The following ZFAT variants were observed in gnomAD, a reference collection of about 807,000 sequenced individuals.
ZFAT encodes zinc finger protein ZFAT.
ZFAT carries 64 observed loss-of-function variants against 117.7 expected under a neutral mutation model. That is an observed-to-expected ratio of 0.54 (90% confidence interval 0.44 to 0.67). The LOEUF (loss-of-function observed/expected upper bound fraction) is 0.67, where lower values mean the gene tolerates loss of function less well. Ranked by LOEUF, ZFAT falls within the 30% of genes least tolerant of loss-of-function variation. The pLI is 0.00. For missense variants in ZFAT, 1,433 were observed against 1,584.5 expected (o/e 0.90, Z 1.62); for synonymous variants, 679 against 615.0 (o/e 1.10, Z -1.54).
chr8:134,558,768 C>G (rs1363496884), intron 11 of ZFAT, among the ~76,000 whole-genome samples: 1 of 152,184 alleles, frequency 6.6e-6, no homozygotes. Context: ...ATGTACCATA[C>G]TTACTACTCA....
At chr8:134,595,963 T>G (rs533103943) in intron 7 of ZFAT, among the ~76,000 whole-genome samples, 1 of 152,372 alleles carries the variant, frequency 6.6e-6, no homozygotes, top group South Asian at 2.1e-4. Flanking sequence ...CATGGGAATC[T>G]GTGCTGAAAG....
At chr8:134,704,149 A>G (rs1834086498) in intron 1 of ZFAT, among the ~76,000 whole-genome samples, 1 of 152,104 alleles carries the variant, frequency 6.6e-6, no homozygotes, top group Admixed American at 6.6e-5. Context: ...TCCCTGCATT[A>G]CCTGAGCCTG....
chr8:134,550,047 C>T (rs973013951), intron 11 of ZFAT, among the ~76,000 whole-genome samples: 3 of 152,072 alleles, frequency 2.0e-5, no homozygotes, highest in African/African-American at 4.8e-5. Context: ...TTGATGTTTA[C>T]GGGATATCAG....
chr8:134,571,133 C>T (rs1824864965), intron 10 of ZFAT, among the ~76,000 whole-genome samples: 3 of 152,232 alleles, frequency 2.0e-5, no homozygotes, highest in African/African-American at 7.2e-5. Flanking sequence ...GGCCCTGCCT[C>T]TGGCACTCAT....
intron 7 of ZFAT, chr8:134,600,156 T>G (rs1246730187): frequency 2.1e-6 from 1 of 477,086 alleles, no homozygotes; most frequent in Non-Finnish European, 3.7e-6. Context: ...TGACTTTACT[T>G]CTACTCTATA....
intron 11 of ZFAT, among the ~76,000 whole-genome samples, chr8:134,557,971 C>T (rs1260605996): frequency 6.6e-6 from 1 of 152,234 alleles, no homozygotes; most frequent in Non-Finnish European, 1.5e-5. Flanking sequence ...ACCCAGTACA[C>T]TGTCTAGCAG....
chr8:134,728,408 C>A, the ZFAT span, among the ~76,000 whole-genome samples: 1 of 152,184 alleles, frequency 6.6e-6, no homozygotes, highest in Admixed American at 6.5e-5. Context: ...GCTTTGTGCC[C>A]TTCAGACTAT....
intron 10 of ZFAT, among the ~76,000 whole-genome samples, chr8:134,566,091 TCTTAAAAAGATTAAGGTTTTAGG>T (rs1824439816): frequency 6.6e-6 from 1 of 152,148 alleles, no homozygotes; most frequent in East Asian, 1.9e-4. Context: ...AAACCACTGG[TCTTAAAAAGATTAAGGTTTTAGG>T]CCGGGCGCGG....
chr8:134,708,817 T>TGGC (rs1813880410), intron 1 of ZFAT, among the ~76,000 whole-genome samples: 2 of 152,012 alleles, frequency 1.3e-5, no homozygotes, highest in Non-Finnish European at 2.9e-5. Context: ...CGAGGCGTGG[T>TGGC]GGCGCATGCT....
At chr8:134,607,576 T>C (rs1440863915) in intron 5 of ZFAT, among the ~76,000 whole-genome samples, 3 of 152,252 alleles carry the variant, frequency 2.0e-5, no homozygotes, top group African/African-American at 7.2e-5. Context: ...ATATCACCAG[T>C]GCCCAGCACA....
At chr8:134,582,642 C>T (rs772684602) in intron 10 of ZFAT, among the ~76,000 whole-genome samples, 17 of 151,998 alleles carry the variant, frequency 1.1e-4, no homozygotes, top group Non-Finnish European at 1.8e-4. Flanking sequence ...ATACTTATGG[C>T]TCTGGCTCTT....
At chr8:134,510,138 A>G (rs1229649601) in intron 14 of ZFAT, 4 of 458,492 alleles carry the variant, frequency 8.7e-6, no homozygotes, top group Non-Finnish European at 1.7e-5. Flanking sequence ...AAGCCCGTTC[A>G]GCCGCAGACT....
chr8:134,641,332 A>G (rs1830566587), intron 2 of ZFAT, among the ~76,000 whole-genome samples: 1 of 152,046 alleles, frequency 6.6e-6, no homozygotes, highest in African/African-American at 2.4e-5. Context: ...CCCCAAATAT[A>G]CACAGAGAAT....
Position 134,615,749 on chromosome 8 carries a change from G to A in ZFAT, c.449-5094C>T, listed in dbSNP as rs144398876. On this transcript the variant is annotated intron_variant, in intron 3 of 15. Transcript: ENST00000377838. ...TCAATTCTCTGTGGCCTCATGCAAC[G>A]TGGATCCACAGTCCACGGACATTAC... Among the ~76,000 whole-genome samples, 36 of 152,310 alleles carry A rather than the reference G, an allele frequency of 2.4e-4. No homozygotes were observed. The East Asian group carries it at 2.9e-3, about 12-fold the overall frequency.
intron 1 of ZFAT, among the ~76,000 whole-genome samples, chr8:134,664,579 G>A (rs1208195912): frequency 6.6e-6 from 1 of 152,248 alleles, no homozygotes; most frequent in African/African-American, 2.4e-5. Flanking sequence ...GGGGAGGGCA[G>A]CTGCAATCAC....
At chr8:134,761,982 A>ATGTGTGTGTGTG in the ZFAT span, among the ~76,000 whole-genome samples, 1,525 of 147,234 alleles carry the variant, frequency 0.01, 22 homozygotes, top group African/African-American at 0.02. Context: ...TTCTCTCTGT[A>ATGTGTGTGTGTG]TGTGTGTGTG....
the ZFAT span, among the ~76,000 whole-genome samples, chr8:134,772,183 T>C: frequency 1.3e-5 from 2 of 152,210 alleles, no homozygotes; most frequent in Non-Finnish European, 2.9e-5. Context: ...TTCAAATGAA[T>C]GGAAGAGTCA....
chr8:134,693,354 G>A (rs574014879), intron 1 of ZFAT, among the ~76,000 whole-genome samples: 41 of 152,302 alleles, frequency 2.7e-4, no homozygotes, highest in African/African-American at 9.9e-4. Flanking sequence ...CAAATATGGG[G>A]CAATCTGAGC....
At chr8:134,729,697 G>A in the ZFAT span, among the ~76,000 whole-genome samples, 1 of 152,232 alleles carries the variant, frequency 6.6e-6, no homozygotes, top group South Asian at 2.1e-4. Flanking sequence ...CACCTGAATA[G>A]CATCGTCCTT....
Sources: gnomAD v4.1 joint callset for allele counts (sites outside exome capture counted in the v4.1 genomes callset) on GRCh38, gnomAD v4.1.1 for gene constraint, MANE v1.5 for transcripts, NCBI Gene and HGNC (gene_info 2026-07-23, HGNC 2026-07-21) for gene names.